PPFIA1: variants seen among roughly 807,000 people sequenced by gnomAD.
PPFIA1 encodes PPFI scaffold protein A1, also known as liprin-alpha-1.
In PPFIA1, 25 loss-of-function variants were observed where a neutral mutation model predicts 149.9. That is an observed-to-expected ratio of 0.17 (90% CI 0.12 to 0.23). PPFIA1 has a LOEUF of 0.23. Ranked by LOEUF, PPFIA1 falls within the 10% of genes least tolerant of loss-of-function variation. PPFIA1 has a pLI of 1.00. For missense variants in PPFIA1, 1,362 were observed against 1,506.5 expected (o/e 0.90, Z 1.59); for synonymous variants, 549 against 552.8 (o/e 0.99, Z 0.10).
rs560626872 is a variant in PPFIA1, at chr11:70,278,075, T to A, written c.264+5639T>A. Among the ~76,000 whole-genome samples, 5 of 152,162 alleles carry A rather than the reference T, an allele frequency of 3.3e-5. No individual in the cohort carries two copies. The South Asian group carries it at 1.0e-3, about 32-fold the overall frequency. On this transcript the variant is annotated intron_variant, in intron 2 of 27. Coordinates refer to ENST00000253925, the MANE Select transcript of PPFIA1 (RefSeq NM_003626.5). ...ACAAGCACGTGCCACCACGCCCAGC[T>A]AATTTTTGTATTTTTAGTAGAGAAG...
chr11:70,351,410 A>C (rs2056049384), intron 16 of PPFIA1, among the ~76,000 whole-genome samples: 1 of 152,226 alleles, frequency 6.6e-6, no homozygotes, highest in Non-Finnish European at 1.5e-5. Flanking sequence ...TATGCCAGGC[A>C]CTGTGCTGAG....
chr11:70,344,432 G>A (rs866354949), intron 15 of PPFIA1, among the ~76,000 whole-genome samples: 1 of 152,202 alleles, frequency 6.6e-6, no homozygotes, highest in African/African-American at 2.4e-5. Context: ...CATGCACACC[G>A]GAGCGGGCGC....
chr11:70,315,983 C>G (rs1455387455), intron 2 of PPFIA1, among the ~76,000 whole-genome samples: 2 of 152,096 alleles, frequency 1.3e-5, no homozygotes, highest in Admixed American at 1.3e-4. Flanking sequence ...AGTGTTTTGT[C>G]TTTTCGTGAC....
intron 12 of PPFIA1, 91 bp downstream of exon 12, chr11:70,337,518 A>G: frequency 1.0e-6 from 1 of 995,346 alleles, no homozygotes; most frequent in East Asian, 2.9e-5. Context: ...AGTGGAGAGC[A>G]GCTTGGTTTG....
At chr11:70,314,869 T>C (rs1018317240) in intron 2 of PPFIA1, among the ~76,000 whole-genome samples, 1 of 152,192 alleles carries the variant, frequency 6.6e-6, no homozygotes, top group Non-Finnish European at 1.5e-5. Flanking sequence ...TTTAATTGAC[T>C]CACAGTTCCG....
At chr11:70,312,589 C>T (rs1398407879) in intron 2 of PPFIA1, among the ~76,000 whole-genome samples, 1 of 152,188 alleles carries the variant, frequency 6.6e-6, no homozygotes, top group Non-Finnish European at 1.5e-5. Context: ...GAATCAGCTC[C>T]ACAGGTGGTT....
intron 2 of PPFIA1, among the ~76,000 whole-genome samples, chr11:70,297,412 G>GA (rs369791914): frequency 4.1e-5 from 6 of 148,050 alleles, no homozygotes; most frequent in South Asian, 2.1e-4. Context: ...TCTCTAAAAT[G>GA]AAAAAAAAAG....
At chr11:70,291,980 G>A (rs377625529) in intron 2 of PPFIA1, among the ~76,000 whole-genome samples, 517 of 151,950 alleles carry the variant, frequency 3.4e-3, no homozygotes, top group Non-Finnish European at 5.5e-3. Flanking sequence ...TGGGACTACA[G>A]GTGCGTGCCA....
chr11:70,303,725 G>C (rs1338421186), intron 2 of PPFIA1, among the ~76,000 whole-genome samples: 1 of 152,214 alleles, frequency 6.6e-6, no homozygotes, highest in Non-Finnish European at 1.5e-5. Flanking sequence ...GTAACTGGAG[G>C]CCTGGCACGG....
intron 10 of PPFIA1, among the ~76,000 whole-genome samples, chr11:70,334,157 A>G (rs2054831817): frequency 6.6e-6 from 1 of 152,190 alleles, no homozygotes; most frequent in Non-Finnish European, 1.5e-5. Context: ...GTGGATGTCA[A>G]TATGGAACAT....
intron 2 of PPFIA1, among the ~76,000 whole-genome samples, chr11:70,296,938 CGTG>C (rs962519409): frequency 1.3e-5 from 2 of 152,112 alleles, no homozygotes; most frequent in Non-Finnish European, 2.9e-5. Flanking sequence ...CTCACAGACT[CGTG>C]GTGAAGATAG....
chr11:70,343,602 A>G, intron 14 of PPFIA1, 67 bp from the exon 15 acceptor site: 1 of 1,417,178 alleles, frequency 7.1e-7, no homozygotes, highest in Non-Finnish European at 9.8e-7. Flanking sequence ...TAAATTTCCG[A>G]TAGATTTATG....
At chr11:70,323,341 G>A (rs546348864) in intron 2 of PPFIA1, among the ~76,000 whole-genome samples, 5 of 152,268 alleles carry the variant, frequency 3.3e-5, no homozygotes, top group East Asian at 3.9e-4. Context: ...TGCAGCTACC[G>A]TCTTACAGAG....
intron 2 of PPFIA1, among the ~76,000 whole-genome samples, chr11:70,319,294 G>C (rs1190019310): frequency 6.6e-6 from 1 of 152,148 alleles, no homozygotes; most frequent in African/African-American, 2.4e-5. Flanking sequence ...AGCCCACCCT[G>C]GTCTGCTGCA....
Position 70,330,215 on chromosome 11 carries a change from C to T in PPFIA1, c.973C>T (p.Leu325Phe). 2 of 1,603,728 alleles carry T rather than the reference C, an allele frequency of 1.2e-6. No individual in the cohort carries two copies. Among genetic ancestry groups the T allele is most frequent in the East Asian group, 2.2e-5 (1 of 44,584 alleles). Reference sequence around the variant, plus strand: ...AGATATGGAAGAGAGAATCACTACTCTTGAAAAACGCTACCTCGCTGCACA... The same window carrying T: ...AGATATGGAAGAGAGAATCACTACTTTTGAAAAACGCTACCTCGCTGCACA... Reference protein sequence around the residue: ...KEDMEERITTLEKRYLAAQRE... With the variant: ...KEDMEERITTFEKRYLAAQRE... The change falls in exon 8 of 28, where the codon CTT becomes TTT. Residue 325 changes from leucine to phenylalanine, a missense_variant. Around this residue, in one of 7 missense-constraint regions of PPFIA1, gnomAD observed 733 missense variants for 744.1 expected, o/e 0.99. Coordinates refer to ENST00000253925, the MANE Select transcript of PPFIA1 (RefSeq NM_003626.5).
chr11:70,302,623 A>T (rs1171207985), intron 2 of PPFIA1, among the ~76,000 whole-genome samples: 1 of 152,218 alleles, frequency 6.6e-6, no homozygotes, highest in South Asian at 2.1e-4. Flanking sequence ...CATGAGACAG[A>T]ATCAAAAGCT....
chr11:70,314,649 C>G (rs922395534), intron 2 of PPFIA1, among the ~76,000 whole-genome samples: 4 of 151,916 alleles, frequency 2.6e-5, no homozygotes, highest in Admixed American at 2.0e-4. Context: ...TTGCTTTTAA[C>G]CAAATAGGAT....
intron 2 of PPFIA1, among the ~76,000 whole-genome samples, chr11:70,315,678 G>GTTTTTTTTTTTTTT (rs71049904): frequency 1.4e-3 from 103 of 73,000 alleles, no homozygotes; most frequent in Admixed American, 1.5e-3. Context: ...CTTTTTTTCT[G>GTTTTTTTTTTTTTT]TTTTTTTTTT....
intron 23 of PPFIA1, chr11:70,373,673 C>G (rs1454197107): frequency 6.6e-6 from 1 of 152,214 alleles, no homozygotes; most frequent in Non-Finnish European, 1.5e-5. Flanking sequence ...AGGTGGTGTT[C>G]TAAGTACTCA....
Sources: allele counts gnomAD v4.1 joint callset (sites outside exome capture counted in the v4.1 genomes callset), GRCh38; gene constraint gnomAD v4.1.1; regional missense constraint gnomAD v4.1.1; transcripts MANE v1.5; gene names NCBI Gene and HGNC (gene_info 2026-07-23, HGNC 2026-07-21).